DPF3: variants seen among roughly 807,000 people sequenced by gnomAD.
DPF3 encodes the protein double PHD fingers 3.
In DPF3, 18 loss-of-function variants were observed where a neutral mutation model predicts 56.8. The observed-to-expected ratio is 0.32, with a 90% CI of 0.22 to 0.47. The LOEUF is 0.47. DPF3 is among the 20% of genes least tolerant of loss of function. The probability of loss-of-function intolerance (pLI) is 1.00; values close to 1 mark genes in which losing one functional copy is unlikely to be tolerated. For synonymous variants in DPF3, 188 were observed against 180.2 expected (o/e 1.04, Z -0.35); for missense variants, 403 against 488.8 (o/e 0.82, Z 1.65).
intron 1 of DPF3, among the ~76,000 whole-genome samples, chr14:72,779,088 C>T (rs576421674): frequency 6.6e-6 from 1 of 152,344 alleles, no homozygotes; most frequent in African/African-American, 2.4e-5. Context: ...AGCACAGAGC[C>T]TGGCACATAA....
In DPF3 at chr14:72,610,587, G is replaced by A. The variant is rs536156289; in HGVS notation, c.*8710C>T. On this transcript the variant is annotated 3_prime_UTR_variant, in exon 11 of 11. Coordinates refer to ENST00000556509, the MANE Select transcript of DPF3 (RefSeq NM_001280542.3). ...TCACCCTGAACCCACTTGGCAACGG[G>A]GAGATGACCTGGTTGAGGTCTAGTT... 2.6e-5 allele frequency among the ~76,000 whole-genome samples: 4 copies of A among 152,352 alleles called. No homozygotes were observed. In the South Asian group the frequency reaches 6.2e-4, roughly 24 times the overall value.
chr14:72,722,969 C>T (rs1889242919), intron 5 of DPF3, among the ~76,000 whole-genome samples: 1 of 152,108 alleles, frequency 6.6e-6, no homozygotes, highest in Non-Finnish European at 1.5e-5. Context: ...CCACTGGGAG[C>T]CACCAGCTGC....
chr14:72,670,419 G>A (rs1471844942), intron 8 of DPF3: 7 of 985,902 alleles, frequency 7.1e-6, no homozygotes, highest in Non-Finnish European at 8.4e-6. Flanking sequence ...GGGAGGCCAG[G>A]CATAGGCACC....
chr14:72,649,663 G>GGGC (rs569806282), intron 8 of DPF3, among the ~76,000 whole-genome samples: 84 of 138,924 alleles, frequency 6.0e-4, no homozygotes, highest in African/African-American at 1.9e-3. Context: ...CCCTGGGTGG[G>GGGC]GGGGGGGATT....
At chr14:72,657,797 C>A (rs1297239264) in intron 8 of DPF3, among the ~76,000 whole-genome samples, 1 of 152,168 alleles carries the variant, frequency 6.6e-6, no homozygotes, top group Non-Finnish European at 1.5e-5. Flanking sequence ...CAGCTGTTTT[C>A]ATGCTTCACC....
intron 8 of DPF3, among the ~76,000 whole-genome samples, chr14:72,647,257 C>T (rs1451936337): frequency 2.0e-5 from 3 of 152,360 alleles, no homozygotes; most frequent in Non-Finnish European, 2.9e-5. Flanking sequence ...TAAACCTCTA[C>T]GCCCATTCCC....
At chr14:72,750,632 G>C (rs572608105) in intron 3 of DPF3, among the ~76,000 whole-genome samples, 1 of 151,868 alleles carries the variant, frequency 6.6e-6, no homozygotes, top group African/African-American at 2.4e-5. Flanking sequence ...TTACAAAAAC[G>C]AAATGAAGAA....
intron 3 of DPF3, among the ~76,000 whole-genome samples, chr14:72,735,228 T>C (rs1599394945): frequency 6.6e-6 from 1 of 152,204 alleles, no homozygotes; most frequent in East Asian, 1.9e-4. Flanking sequence ...AAAAGGCAGA[T>C]CTTTAACTGA....
In DPF3 at chr14:72,714,496, G is replaced by A. The variant is rs769101533; in HGVS notation, c.531C>T (p.Arg177=). 2.8e-5 allele frequency: 45 copies of A among 1,613,594 alleles called. No individual in the cohort carries two copies. Among genetic ancestry groups the A allele is most frequent in the Non-Finnish European group, 3.6e-5 (42 of 1,179,742 alleles). The part of the protein sequence containing the change: ...KRKNRTRGRA[R]GSAGGRRRHD... Reference sequence around the variant, plus strand: ...GCCTCCTCCTGCCCCCTGCAGAGCCGCGAGCCTGGGGAGACATTGGGGTAC... The same window carrying A: ...GCCTCCTCCTGCCCCCTGCAGAGCCACGAGCCTGGGGAGACATTGGGGTAC... Residue 177 remains arginine, a synonymous_variant, in exon 6 of 11, where the codon CGC becomes CGT. Coordinates refer to ENST00000556509, the MANE Select transcript of DPF3 (RefSeq NM_001280542.3).
intron 7 of DPF3, among the ~76,000 whole-genome samples, chr14:72,676,290 A>G (rs1032200276): frequency 1.3e-5 from 2 of 152,168 alleles, no homozygotes; most frequent in African/African-American, 4.8e-5. Context: ...AATCCCATAT[A>G]TATCATTCAT....
Position 72,889,435 on chromosome 14 carries a change from C to T in DPF3, c.32+4622G>A, listed in dbSNP as rs1177953245. Among the ~76,000 whole-genome samples, 5 of 152,278 alleles carry T rather than the reference C, an allele frequency of 3.3e-5. No homozygotes were observed. In the East Asian group the frequency reaches 5.8e-4, roughly 18 times the overall value. On this transcript the variant is annotated intron_variant, in intron 1 of 10. Coordinates refer to ENST00000556509, the MANE Select transcript of DPF3 (RefSeq NM_001280542.3). ...TTCTTGGGAATCTGTTGGCTTACAA[C>T]GTCCGAGGGTCCTTTTTCATAAGAA...
At chr14:72,713,263 A>G (rs759335130) in intron 6 of DPF3, among the ~76,000 whole-genome samples, 2 of 152,234 alleles carry the variant, frequency 1.3e-5, no homozygotes, top group African/African-American at 2.4e-5. Flanking sequence ...TAAGCAGCCA[A>G]ATGGGAGTCA....
chr14:72,729,771 G>A lies in DPF3; in HGVS notation c.429+2036C>T, dbSNP rs553524555. Among the ~76,000 whole-genome samples the A allele has an allele frequency of 2.2e-4, 33 of 152,294 alleles. 2 individuals are homozygous for A. The South Asian group carries it at 4.8e-3, about 22-fold the overall frequency. On this transcript the variant is annotated intron_variant, in intron 4 of 10. Coordinates refer to ENST00000556509, the MANE Select transcript of DPF3 (RefSeq NM_001280542.3). ...GCCAGTGGTTGCCAGGCATTAGGAC[G>A]GAGGGAGGGATGAACAGGTGGAGCT...
At chr14:72,820,873 T>A (rs1883500099) in intron 1 of DPF3, among the ~76,000 whole-genome samples, 2 of 152,082 alleles carry the variant, frequency 1.3e-5, no homozygotes. Flanking sequence ...GGCTCACTCC[T>A]GTAATCCCAG....
intron 3 of DPF3, among the ~76,000 whole-genome samples, chr14:72,742,279 A>C (rs1890155013): frequency 6.6e-6 from 1 of 152,122 alleles, no homozygotes. Flanking sequence ...ACTTGAAGGC[A>C]TCCATTCTCC....
intron 7 of DPF3, among the ~76,000 whole-genome samples, chr14:72,690,594 A>ACACG: frequency 6.6e-6 from 1 of 151,908 alleles, no homozygotes; most frequent in South Asian, 2.1e-4. Context: ...ACACGTATAC[A>ACACG]CACGCACACA....
chr14:72,861,372 T>C (rs934010493), intron 1 of DPF3, among the ~76,000 whole-genome samples: 7 of 152,184 alleles, frequency 4.6e-5, no homozygotes, highest in African/African-American at 1.7e-4. Flanking sequence ...TAGTATTGTA[T>C]GTACTCACCG....
intron 8 of DPF3, chr14:72,662,136 T>G: frequency 1.0e-6 from 1 of 985,294 alleles, no homozygotes; most frequent in African/African-American, 1.7e-5. Context: ...ACACTTTCAA[T>G]AGACTTTTGA....
chr14:72,731,929 C>T lies in DPF3; in HGVS notation c.307G>A (p.Glu103Lys), dbSNP rs1889671402. The T allele has an allele frequency of 6.3e-7, 1 of 1,582,272 alleles. No homozygotes were observed. Among genetic ancestry groups the T allele is most frequent in the Non-Finnish European group, 8.6e-7 (1 of 1,164,164 alleles). Residue 103 changes from glutamate (E) to lysine (K), a missense_variant, in exon 4 of 11, where the codon GAG becomes AAG. Physicochemically the swap from Glu to Lys is moderately conservative, Grantham distance 56. This residue lies in a region of DPF3 where 340 missense variants were observed against 374.3 expected (regional missense o/e 0.91). Transcript: ENST00000556509. ...AACCCATCCTTCTTCAGGGGAAGCT[C>T]CACTTCTGAAAAACAAAGATAGAAA... Reference protein sequence around the residue: ...LRLLEIKPEVELPLKKDGFTS... With the variant: ...LRLLEIKPEVKLPLKKDGFTS...
Sources: allele counts gnomAD v4.1 joint callset (sites outside exome capture counted in the v4.1 genomes callset), GRCh38; gene constraint gnomAD v4.1.1; regional missense constraint gnomAD v4.1.1; transcripts MANE v1.5; gene names NCBI Gene and HGNC (gene_info 2026-07-23, HGNC 2026-07-21).